The following RAB3C variants were observed in gnomAD, a reference collection of about 807,000 sequenced individuals.
RAB3C encodes the protein ras-related protein Rab-3C.
Under a neutral mutation model 26.4 loss-of-function variants are expected in RAB3C, and 17 were observed. The ratio of observed to expected loss-of-function variants is 0.64; its 90% CI spans 0.44 to 0.97. The LOEUF (loss-of-function observed/expected upper bound fraction) is 0.97. Ranked by LOEUF, RAB3C falls within the 50% of genes least tolerant of loss-of-function variation. RAB3C has a pLI of 0.00. For missense variants in RAB3C, 242 were observed against 281.9 expected (o/e 0.86, Z 1.01); for synonymous variants, 91 against 95.9 (o/e 0.95, Z 0.30).
rs530616661 is a variant in RAB3C at position 58,705,410 on chromosome 5, GACA to G, written c.253-20591_253-20589del. Among the ~76,000 whole-genome samples the G allele has an allele frequency of 1.8e-4, 27 of 152,180 alleles. No individual in the cohort carries two copies. The South Asian group carries it at 5.6e-3, about 32-fold the overall frequency. On this transcript the variant is annotated intron_variant, in intron 2 of 4. Transcript: ENST00000282878. Reference sequence around the variant, plus strand: ...GAGTTTTGCAATACTGTTATTAAGTGACATTATTGAAAATCTACAAATAATTGG... The same window carrying G: ...GAGTTTTGCAATACTGTTATTAAGTGTTATTGAAAATCTACAAATAATTGG...
intron 1 of RAB3C, among the ~76,000 whole-genome samples, chr5:58,607,336 A>G (rs1383472416): frequency 1.3e-5 from 2 of 152,230 alleles, no homozygotes; most frequent in Admixed American, 6.5e-5. Flanking sequence ...AAATTAATGA[A>G]ATAAAGCAAG....
intron 1 of RAB3C, among the ~76,000 whole-genome samples, chr5:58,608,230 G>A (rs1446147767): frequency 6.6e-6 from 1 of 152,088 alleles, no homozygotes; most frequent in East Asian, 1.9e-4. Flanking sequence ...ATAAAGGGAT[G>A]GAGGAAGATC....
chr5:58,603,203 C>A (rs889359131), intron 1 of RAB3C, among the ~76,000 whole-genome samples: 1 of 152,080 alleles, frequency 6.6e-6, no homozygotes, highest in Non-Finnish European at 1.5e-5. Flanking sequence ...GATAGGTTTT[C>A]CTTTATAGGT....
chr5:58,683,433 G>A (rs536474171), intron 2 of RAB3C, among the ~76,000 whole-genome samples: 8 of 151,894 alleles, frequency 5.3e-5, no homozygotes, highest in South Asian at 4.2e-4. Flanking sequence ...TTATGTACAC[G>A]TCTGCATTTT....
chr5:58,633,711 G>T (rs2111753380), intron 2 of RAB3C, among the ~76,000 whole-genome samples: 1 of 152,184 alleles, frequency 6.6e-6, no homozygotes, highest in East Asian at 1.9e-4. Flanking sequence ...TTTAATTCAG[G>T]AGTCTCAGCA....
chr5:58,677,951 A>G (rs1748260653), intron 2 of RAB3C, among the ~76,000 whole-genome samples: 1 of 147,038 alleles, frequency 6.8e-6, no homozygotes. Context: ...CTCTTCTTTT[A>G]CTGGCAGGTA....
chr5:58,703,380 C>T (rs1027483190), intron 2 of RAB3C, among the ~76,000 whole-genome samples: 2 of 152,038 alleles, frequency 1.3e-5, no homozygotes, highest in Non-Finnish European at 2.9e-5. Flanking sequence ...TGGGGTTTCT[C>T]CGTGTTAGTG....
chr5:58,596,515 A>G (rs1194781083), intron 1 of RAB3C, among the ~76,000 whole-genome samples: 3 of 136,518 alleles, frequency 2.2e-5, no homozygotes, highest in African/African-American at 8.2e-5. Flanking sequence ...ATAATACTAT[A>G]TAATACATAT....
chr5:58,582,269 T>C (rs111910412), upstream of RAB3C: 19 of 299,722 alleles, frequency 6.3e-5, no homozygotes, highest in African/African-American at 3.6e-4. Context: ...CTCCTTTTTC[T>C]CTCCGCCAGA....
chr5:58,789,656 G>A (rs1742475255), intron 3 of RAB3C, among the ~76,000 whole-genome samples: 1 of 152,154 alleles, frequency 6.6e-6, no homozygotes, highest in Non-Finnish European at 1.5e-5. Context: ...ATATACCTGG[G>A]AAAGTTTATG....
At chr5:58,779,456 C>G (rs193057802) in intron 3 of RAB3C, among the ~76,000 whole-genome samples, 5 of 151,692 alleles carry the variant, frequency 3.3e-5, no homozygotes, top group Non-Finnish European at 5.9e-5. Context: ...ACAGTCATGG[C>G]TCACTATAAC....
At chr5:58,630,895 C>A (rs1747173698) in intron 2 of RAB3C, among the ~76,000 whole-genome samples, 1 of 152,088 alleles carries the variant, frequency 6.6e-6, no homozygotes, top group Non-Finnish European at 1.5e-5. Context: ...GATAAAGAGG[C>A]CTTGTTGTTG....
chr5:58,626,515 A>T (rs550355369), intron 2 of RAB3C, among the ~76,000 whole-genome samples: 39 of 152,340 alleles, frequency 2.6e-4, no homozygotes, highest in African/African-American at 8.2e-4. Flanking sequence ...TGTGATCAAG[A>T]ATGGGCCCCA....
chr5:58,837,692 G>A (rs1743782589), intron 4 of RAB3C, among the ~76,000 whole-genome samples: 1 of 150,050 alleles, frequency 6.7e-6, no homozygotes, highest in South Asian at 2.1e-4. Flanking sequence ...CCAAGTAGCT[G>A]GAAGTACAGG....
chr5:58,845,612 A>ATATATATATATATATGTG, intron 4 of RAB3C, among the ~76,000 whole-genome samples: 4 of 81,718 alleles, frequency 4.9e-5, no homozygotes, highest in Non-Finnish European at 7.3e-5. Flanking sequence ...ATATATATAT[A>ATATATATATATATATGTG]TGTGTGTGTG....
At chr5:58,756,373 T>A (rs1741661247) in intron 3 of RAB3C, among the ~76,000 whole-genome samples, 1 of 129,044 alleles carries the variant, frequency 7.7e-6, no homozygotes, top group Non-Finnish European at 1.6e-5. Context: ...CATATATATA[T>A]AACTACTATA....
chr5:58,751,144 G>A (rs573873302), intron 3 of RAB3C, among the ~76,000 whole-genome samples: 8 of 152,180 alleles, frequency 5.3e-5, no homozygotes, highest in East Asian at 3.9e-4. Flanking sequence ...ATGAGCCACC[G>A]TGCCCGGACC....
chr5:58,841,627 G>A (rs1743877804), intron 4 of RAB3C, among the ~76,000 whole-genome samples: 1 of 152,192 alleles, frequency 6.6e-6, no homozygotes, highest in Non-Finnish European at 1.5e-5. Flanking sequence ...TCCAAAATGG[G>A]CTTAGGGTTT....
intron 2 of RAB3C, among the ~76,000 whole-genome samples, chr5:58,684,450 A>G (rs1396393509): frequency 1.3e-5 from 2 of 152,190 alleles, no homozygotes; most frequent in East Asian, 1.9e-4. Context: ...TGGAATGCCA[A>G]CTTAGGTTAT....
Sources: allele counts gnomAD v4.1 joint callset (sites outside exome capture counted in the v4.1 genomes callset), GRCh38; gene constraint gnomAD v4.1.1; transcripts MANE v1.5; gene names NCBI Gene and HGNC (gene_info 2026-07-23, HGNC 2026-07-21).